The following SNTG1 variants were observed in gnomAD, a reference collection of about 807,000 sequenced individuals.
The protein encoded by SNTG1 is syntrophin gamma 1.
SNTG1 carries 39 observed loss-of-function variants against 74.7 expected under a neutral mutation model. That is an observed-to-expected ratio of 0.52 (90% CI 0.40 to 0.68). The LOEUF (loss-of-function observed/expected upper bound fraction) is 0.68. SNTG1 is among the 30% of genes least tolerant of loss of function. The pLI is 0.00. For synonymous variants in SNTG1, 254 were observed against 217.1 expected (o/e 1.17, Z -1.49); for missense variants, 685 against 609.5 (o/e 1.12, Z -1.30).
At chr8:50,058,149 C>T (rs915791149) in intron 1 of SNTG1, among the ~76,000 whole-genome samples, 43 of 152,132 alleles carry the variant, frequency 2.8e-4, no homozygotes, top group Non-Finnish European at 6.0e-4. Context: ...ACACTATCAA[C>T]TGCAGACTCT....
intron 1 of SNTG1, among the ~76,000 whole-genome samples, chr8:50,092,589 G>A (rs1442569717): frequency 2.0e-5 from 3 of 152,056 alleles, no homozygotes; most frequent in African/African-American, 7.2e-5. Context: ...TAGCTACTTA[G>A]GACACTTCCA....
chr8:50,641,336 G>A (rs992113557), intron 13 of SNTG1, among the ~76,000 whole-genome samples: 6 of 152,132 alleles, frequency 3.9e-5, no homozygotes, highest in Admixed American at 3.3e-4. Flanking sequence ...GAAAATTGAA[G>A]CAATCGGAGG....
chr8:50,101,279 C>T (rs964080186), intron 1 of SNTG1, among the ~76,000 whole-genome samples: 3 of 151,956 alleles, frequency 2.0e-5, no homozygotes, highest in African/African-American at 4.8e-5. Context: ...AATTAATATT[C>T]CTTTGAGTAT....
intron 1 of SNTG1, among the ~76,000 whole-genome samples, chr8:50,127,228 G>A (rs1037075315): frequency 6.6e-6 from 1 of 152,014 alleles, no homozygotes; most frequent in Admixed American, 6.6e-5. Flanking sequence ...GACACATGAG[G>A]CCTATATGAT....
chr8:49,951,733 A>T (rs927381230), intron 1 of SNTG1, among the ~76,000 whole-genome samples: 12 of 151,712 alleles, frequency 7.9e-5, no homozygotes, highest in Non-Finnish European at 1.6e-4. Flanking sequence ...CAATGTGCAC[A>T]TGTACCCTAA....
At chr8:50,746,280 A>G (rs2095554965) in intron 17 of SNTG1, among the ~76,000 whole-genome samples, 1 of 151,962 alleles carries the variant, frequency 6.6e-6, no homozygotes, top group Admixed American at 6.6e-5. Flanking sequence ...AATAAACTAT[A>G]AAACTGTGTT....
intron 2 of SNTG1, among the ~76,000 whole-genome samples, chr8:50,388,000 A>C (rs1406143399): frequency 1.3e-5 from 2 of 152,082 alleles, no homozygotes; most frequent in Non-Finnish European, 2.9e-5. Flanking sequence ...TTCCCAATCA[A>C]CGTCTGTGTT....
chr8:50,669,768 T>C (rs1156922584), intron 15 of SNTG1, among the ~76,000 whole-genome samples: 2 of 152,172 alleles, frequency 1.3e-5, no homozygotes, highest in Non-Finnish European at 2.9e-5. Context: ...ATATCCTTGA[T>C]GAACATTGAT....
intron 17 of SNTG1, among the ~76,000 whole-genome samples, chr8:50,729,296 G>A (rs1404299023): frequency 2.6e-5 from 4 of 152,180 alleles, no homozygotes; most frequent in Non-Finnish European, 5.9e-5. Context: ...CAAATATAAT[G>A]TGTAGCCCTG....
At chr8:50,556,063 T>C (rs1483639) in intron 12 of SNTG1, among the ~76,000 whole-genome samples, 131,300 of 152,216 alleles carry the variant, frequency 0.86, 56,815 homozygotes, top group East Asian at 0.94. Context: ...TGCTATAATT[T>C]TTCTTCCAGA....
chr8:50,465,723 T>C (rs2093603798), intron 8 of SNTG1, among the ~76,000 whole-genome samples: 1 of 152,158 alleles, frequency 6.6e-6, no homozygotes, highest in Admixed American at 6.5e-5. Context: ...TTAGATTGGC[T>C]TTTTTCACTT....
intron 1 of SNTG1, among the ~76,000 whole-genome samples, chr8:50,012,595 G>A (rs762530017): frequency 2.0e-5 from 3 of 152,136 alleles, no homozygotes; most frequent in African/African-American, 4.8e-5. Flanking sequence ...ATGTAGTGAG[G>A]CTGACAGATC....
chr8:50,195,848 G>A (rs2083749249), intron 2 of SNTG1, among the ~76,000 whole-genome samples: 1 of 152,116 alleles, frequency 6.6e-6, no homozygotes, highest in African/African-American at 2.4e-5. Flanking sequence ...CAGGGCTGTT[G>A]GTTTGTTCTT....
intron 1 of SNTG1, among the ~76,000 whole-genome samples, chr8:50,169,464 A>G (rs1374914265): frequency 6.6e-6 from 1 of 152,350 alleles, no homozygotes; most frequent in East Asian, 1.9e-4. Context: ...GACATCACAT[A>G]GAGAAAAATG....
chr8:50,680,502 G>A (rs2095326746), intron 15 of SNTG1, among the ~76,000 whole-genome samples: 1 of 152,076 alleles, frequency 6.6e-6, no homozygotes, highest in African/African-American at 2.4e-5. Flanking sequence ...TTTAAGTGTT[G>A]TTCTTAGTAG....
At chr8:50,768,935 G>T (rs562253381) in intron 18 of SNTG1, among the ~76,000 whole-genome samples, 3 of 152,096 alleles carry the variant, frequency 2.0e-5, no homozygotes, top group South Asian at 4.1e-4. Flanking sequence ...ACTAATGATT[G>T]AATTGAGAAC....
intron 4 of SNTG1, among the ~76,000 whole-genome samples, chr8:50,421,832 C>A (rs977969642): frequency 1.3e-5 from 2 of 152,072 alleles, no homozygotes; most frequent in Non-Finnish European, 2.9e-5. Flanking sequence ...AGAATGAAGA[C>A]TCAACTTTTC....
chr8:50,704,655 G>T lies in SNTG1; in HGVS notation c.1094G>T (p.Gly365Val), dbSNP rs2095437484. Residue 365 changes from glycine (G) to valine (V), a missense_variant, in exon 16 of 19, where the codon GGG (glycine) becomes GTG (valine). Coordinates refer to ENST00000642720, the MANE Select transcript of SNTG1 (RefSeq NM_018967.5). ...TGCTTCACCGTGCAGTCTGAGTCTG[G>T]GGAGGACCTGTACTTCTCAGTGGAG... ...KQCFTVQSES[G>V]EDLYFSVELE... 1 of 1,614,078 alleles carries T rather than the reference G, an allele frequency of 6.2e-7. No individual in the cohort carries two copies. Among genetic ancestry groups the T allele is most frequent in the Non-Finnish European group, 8.5e-7 (1 of 1,180,028 alleles).
intron 13 of SNTG1, among the ~76,000 whole-genome samples, chr8:50,602,469 G>C (rs1309717944): frequency 2.6e-5 from 4 of 152,010 alleles, no homozygotes; most frequent in African/African-American, 9.7e-5. Context: ...TGTTTGTCTT[G>C]AAAAGTTGTA....
Sources: allele counts gnomAD v4.1 joint callset (sites outside exome capture counted in the v4.1 genomes callset), GRCh38; gene constraint gnomAD v4.1.1; transcripts MANE v1.5; gene names NCBI Gene and HGNC (gene_info 2026-07-23, HGNC 2026-07-21).